PELI1: variants seen among roughly 807,000 people sequenced by gnomAD.
The protein encoded by PELI1 is pellino E3 ubiquitin protein ligase 1.
Under a neutral mutation model 41.3 loss-of-function variants are expected in PELI1, and 15 were observed. The observed-to-expected ratio is 0.36, with a 90% confidence interval of 0.24 to 0.56. The LOEUF is 0.56. Ranked by LOEUF, PELI1 falls within the 20% of genes least tolerant of loss-of-function variation. The probability of loss-of-function intolerance (pLI) is 0.82; values close to 1 mark genes in which losing one functional copy is unlikely to be tolerated. For missense variants in PELI1, 403 were observed against 525.5 expected (o/e 0.77, Z 2.28); for synonymous variants, 178 against 180.1 (o/e 0.99, Z 0.09).
intron 6 of PELI1, among the ~76,000 whole-genome samples, chr2:64,095,764 C>T (rs1680212298): frequency 6.6e-6 from 1 of 152,192 alleles, no homozygotes; most frequent in Non-Finnish European, 1.5e-5. Flanking sequence ...CTGCCTCAGC[C>T]TCCCGAGTAG....
At chr2:64,127,034 C>A (rs1287965910) in intron 1 of PELI1, among the ~76,000 whole-genome samples, 3 of 152,284 alleles carry the variant, frequency 2.0e-5, no homozygotes, top group African/African-American at 7.2e-5. Context: ...CAATTATTAA[C>A]TCCTCTTTAC....
At chr2:64,095,345 C>T in intron 6 of PELI1, 77 bp from the exon 7 acceptor site, 2 of 850,060 alleles carry the variant, frequency 2.4e-6, no homozygotes, top group Non-Finnish European at 3.7e-6. Context: ...GTTTTAAGTA[C>T]TCCTTACTCA....
intron 1 of PELI1, among the ~76,000 whole-genome samples, chr2:64,130,582 A>C (rs1012246104): frequency 6.6e-6 from 1 of 152,210 alleles, no homozygotes; most frequent in African/African-American, 2.4e-5. Context: ...ATTAAAGCTG[A>C]ACACTCCTCC....
intron 1 of PELI1, among the ~76,000 whole-genome samples, chr2:64,124,034 T>C (rs1193057508): frequency 6.6e-6 from 1 of 152,070 alleles, no homozygotes; most frequent in East Asian, 1.9e-4. Flanking sequence ...AAGAAGTCAG[T>C]CACAAAGGAT....
chr2:64,137,893 T>C (rs141403368), intron 1 of PELI1, among the ~76,000 whole-genome samples: 22 of 152,304 alleles, frequency 1.4e-4, no homozygotes, highest in Middle Eastern at 6.8e-3. Context: ...TCTAAAAATA[T>C]TGAGTAATGC....
intron 1 of PELI1, among the ~76,000 whole-genome samples, chr2:64,121,521 G>C (rs1461391830): frequency 6.6e-6 from 1 of 152,070 alleles, no homozygotes; most frequent in Admixed American, 6.6e-5. Context: ...AAAGATCTGT[G>C]TTTATATCAA....
At chr2:64,112,565 T>G (rs1680839029) in intron 1 of PELI1, among the ~76,000 whole-genome samples, 1 of 152,228 alleles carries the variant, frequency 6.6e-6, no homozygotes, top group Non-Finnish European at 1.5e-5. Context: ...ATTCTTACTC[T>G]GCTTAGATCT....
At chr2:64,103,707 T>A (rs1030057605) in intron 3 of PELI1, among the ~76,000 whole-genome samples, 20 of 152,196 alleles carry the variant, frequency 1.3e-4, no homozygotes, top group Non-Finnish European at 2.1e-4. Flanking sequence ...GAAAAGCCAA[T>A]TACCTTCAGA....
intron 1 of PELI1, among the ~76,000 whole-genome samples, chr2:64,115,043 CG>C (rs1680945571): frequency 6.6e-6 from 1 of 151,680 alleles, no homozygotes; most frequent in Non-Finnish European, 1.5e-5. Context: ...TAGTTGAAGG[CG>C]GGTGTAGTTT....
chr2:64,130,304 C>T (rs967557046), intron 1 of PELI1, among the ~76,000 whole-genome samples: 1 of 152,106 alleles, frequency 6.6e-6, no homozygotes, highest in East Asian at 1.9e-4. Flanking sequence ...ATGCTACGTT[C>T]ATATATCAGA....
chr2:64,139,203 G>A (rs191126164), intron 1 of PELI1, among the ~76,000 whole-genome samples: 53 of 152,260 alleles, frequency 3.5e-4, no homozygotes, highest in African/African-American at 1.2e-3. Flanking sequence ...CATTGCATTT[G>A]GTGGAAAAGC....
chr2:64,099,791 C>T (rs1028770785), intron 4 of PELI1, among the ~76,000 whole-genome samples: 1 of 152,030 alleles, frequency 6.6e-6, no homozygotes, highest in Non-Finnish European at 1.5e-5. Flanking sequence ...ATCTTTGGAA[C>T]TGACTGTCCT....
At chr2:64,117,156 TCTAA>T (rs986546002) in intron 1 of PELI1, among the ~76,000 whole-genome samples, 3 of 152,164 alleles carry the variant, frequency 2.0e-5, no homozygotes, top group Admixed American at 6.5e-5. Flanking sequence ...TACAGTGGCC[TCTAA>T]CTGTTTAAGG....
At chr2:64,101,315 A>G (rs976831688) in intron 3 of PELI1, among the ~76,000 whole-genome samples, 6 of 151,468 alleles carry the variant, frequency 4.0e-5, no homozygotes, top group Non-Finnish European at 8.8e-5. Context: ...CCCAGGAGAT[A>G]AAAGAAAAAA....
chr2:64,124,072 A>G (rs2103723587), intron 1 of PELI1, among the ~76,000 whole-genome samples: 1 of 152,346 alleles, frequency 6.6e-6, no homozygotes, highest in Non-Finnish European at 1.5e-5. Context: ...CATTTATATG[A>G]AATGTCCAGA....
chr2:64,097,651 T>C (rs1457133598), intron 4 of PELI1, among the ~76,000 whole-genome samples: 2 of 152,212 alleles, frequency 1.3e-5, no homozygotes, highest in African/African-American at 4.8e-5. Context: ...ATGAATGTAT[T>C]TGTTATAAAG....
chr2:64,118,611 C>G (rs1681099262), intron 1 of PELI1, among the ~76,000 whole-genome samples: 1 of 152,102 alleles, frequency 6.6e-6, no homozygotes, highest in Non-Finnish European at 1.5e-5. Context: ...AATTATCAGA[C>G]CTAAAATTAT....
intron 1 of PELI1, among the ~76,000 whole-genome samples, chr2:64,117,659 T>C (rs1018725139): frequency 6.6e-6 from 1 of 152,230 alleles, no homozygotes; most frequent in Admixed American, 6.5e-5. Flanking sequence ...CGACTACTAA[T>C]AGAGAGAAAT....
intron 3 of PELI1, among the ~76,000 whole-genome samples, chr2:64,103,446 G>C (rs1374056890): frequency 1.3e-5 from 2 of 152,148 alleles, no homozygotes; most frequent in Non-Finnish European, 2.9e-5. Context: ...ATGTGGGAAA[G>C]TACTGAACAA....
Sources: allele counts gnomAD v4.1 joint callset (sites outside exome capture counted in the v4.1 genomes callset), GRCh38; gene constraint gnomAD v4.1.1; transcripts MANE v1.5; gene names NCBI Gene and HGNC (gene_info 2026-07-23, HGNC 2026-07-21).